STX16: variants seen among roughly 807,000 people sequenced by gnomAD.
The protein encoded by STX16 is syntaxin 16, also known as syntaxin-16.
Under a neutral mutation model 42.7 loss-of-function variants are expected in STX16, and 28 were observed. That is an observed-to-expected ratio of 0.66 (90% CI 0.49 to 0.90). The LOEUF (loss-of-function observed/expected upper bound fraction) is 0.90. Among genes scored for constraint, STX16 ranks in the 40% least tolerant of loss-of-function variants. The probability of loss-of-function intolerance (pLI) is 0.00; values close to 1 mark genes in which losing one functional copy is unlikely to be tolerated. For synonymous variants in STX16, 156 were observed against 155.2 expected (o/e 1.00, Z -0.04); for missense variants, 361 against 420.9 (o/e 0.86, Z 1.24).
chr20:58,666,638 A>G (rs1020377339), intron 2 of STX16, among the ~76,000 whole-genome samples: 11 of 152,100 alleles, frequency 7.2e-5, no homozygotes, highest in Non-Finnish European at 1.5e-5. Flanking sequence ...CATTTTGGCC[A>G]GGCTACTCTC....
Position 58,667,478 on chromosome 20 carries a change from A to G in STX16, c.145-12A>G, listed in dbSNP as rs1439064447. Reference sequence around the variant, plus strand: ...AGAATAATTTTTTTCATGTCCCTTTACTTTCCTGTAGCTTGCTGATGACCG... The same window carrying G: ...AGAATAATTTTTTTCATGTCCCTTTGCTTTCCTGTAGCTTGCTGATGACCG... On this transcript the variant is annotated splice_polypyrimidine_tract_variant and intron_variant, in intron 2 of 8. Transcript: ENST00000371141. 1.9e-6 allele frequency: 3 copies of G among 1,611,926 alleles called. No individual in the cohort carries two copies. Among genetic ancestry groups the G allele is most frequent in the Non-Finnish European group, 8.5e-7 (1 of 1,178,224 alleles).
At chr20:58,661,599 T>C (rs909728983) in intron 2 of STX16, among the ~76,000 whole-genome samples, 11 of 152,266 alleles carry the variant, frequency 7.2e-5, no homozygotes, top group Non-Finnish European at 1.2e-4. Context: ...GAAGTGTGGC[T>C]TCCACAATTG....
intron 7 of STX16, among the ~76,000 whole-genome samples, chr20:58,671,544 T>C (rs181858851): frequency 5.2e-4 from 79 of 151,944 alleles, no homozygotes; most frequent in African/African-American, 1.8e-3. Context: ...AACCTCAGTG[T>C]TTACATTTTT....
chr20:58,669,377 C>A lies in STX16; in HGVS notation c.480C>A (p.Asn160Lys). ...CSEQEGRLLG[N>K]VVASLAQALQ... is the part of the protein sequence containing the mutation. The stretch of plus-strand genomic sequence containing the variant: ...AGCAGGAGGGGCGGCTGCTTGGGAA[C>A]GTGGTGGCCTCGCTGGCGCAGGCCC... The change falls in exon 5 of 9, where the codon AAC becomes AAA. Residue 160 changes from asparagine (N) to lysine (K), a missense_variant. By Grantham distance (94) the Asn-to-Lys change is moderately conservative. Coordinates refer to ENST00000371141, the MANE Select transcript of STX16 (RefSeq NM_001001433.3). 7 of 1,611,738 alleles carry A rather than the reference C, an allele frequency of 4.3e-6. No individual in the cohort carries two copies. Among genetic ancestry groups the A allele is most frequent in the Non-Finnish European group, 5.1e-6 (6 of 1,179,140 alleles).
rs1337005712 is a variant in STX16 at position 58,655,297 on chromosome 20, G to A, written c.132+3159G>A. On this transcript the variant is annotated intron_variant, in intron 1 of 8. Transcript: ENST00000371141. ...TGTGTATCATACACCTCAAAGCAAA[G>A]CACACCTAAAGCCATGCCATTCAAA... Among the ~76,000 whole-genome samples, 5 of 152,118 alleles carry A rather than the reference G, an allele frequency of 3.3e-5. No individual in the cohort carries two copies. In the East Asian group the frequency reaches 9.6e-4, roughly 29 times the overall value.
chr20:58,664,648 G>C (rs1033538470), intron 2 of STX16, among the ~76,000 whole-genome samples: 2 of 152,146 alleles, frequency 1.3e-5, no homozygotes, highest in South Asian at 4.1e-4. Flanking sequence ...ATAAAATCAA[G>C]TACTGCTTCA....
chr20:58,666,619 G>A (rs921436980), intron 2 of STX16, among the ~76,000 whole-genome samples: 1 of 151,922 alleles, frequency 6.6e-6, no homozygotes, highest in African/African-American at 2.4e-5. Flanking sequence ...AGTAGAGAAC[G>A]GTTTTCACCA....
At chr20:58,660,719 T>C (rs1016572158) in intron 2 of STX16, among the ~76,000 whole-genome samples, 4 of 143,910 alleles carry the variant, frequency 2.8e-5, no homozygotes, top group African/African-American at 1.0e-4. Flanking sequence ...GCTCCTTTTT[T>C]TTTTTTTTTT....
intron 1 of STX16, 107 bp downstream of exon 1, chr20:58,652,245 A>G (rs1600979238): frequency 6.8e-7 from 1 of 1,465,008 alleles, no homozygotes. Context: ...GATAAGAATA[A>G]TAAGACTAAG....
intron 8 of STX16, among the ~76,000 whole-genome samples, chr20:58,674,807 C>T (rs961351852): frequency 3.9e-5 from 6 of 152,122 alleles, no homozygotes; most frequent in South Asian, 2.1e-4. Context: ...CTCTGTAATA[C>T]CCAGGTTTTG....
At position 58,677,803 on chromosome 20, in the gene STX16, A is replaced by C. The variant is rs1185049614; in HGVS notation, c.*1512A>C. On this transcript the variant is annotated 3_prime_UTR_variant, in exon 9 of 9. Transcript: ENST00000371141. Reference sequence around the variant, plus strand: ...GAGATTGAAGTTGTCCAAACAGCTCATGGGCTTAGTGTCCAAACCCCTGCC... The same window carrying C: ...GAGATTGAAGTTGTCCAAACAGCTCCTGGGCTTAGTGTCCAAACCCCTGCC... The C allele has an allele frequency of 6.6e-6, 1 of 152,246 alleles. No individual in the cohort carries two copies. Among genetic ancestry groups the C allele is most frequent in the East Asian group, 1.9e-4 (1 of 5,194 alleles). The allele number at this position is 152,246 out of a possible 1,614,324, so 9.4% of individuals were successfully genotyped here.
At chr20:58,659,296 A>G (rs1282441838) in intron 1 of STX16, among the ~76,000 whole-genome samples, 1 of 152,240 alleles carries the variant, frequency 6.6e-6, no homozygotes, top group East Asian at 1.9e-4. Flanking sequence ...GAAACAGATT[A>G]ACAGCATATT....
At chr20:58,671,788 A>G (rs916703107) in intron 7 of STX16, among the ~76,000 whole-genome samples, 1 of 152,192 alleles carries the variant, frequency 6.6e-6, no homozygotes, top group African/African-American at 2.4e-5. Flanking sequence ...AATATGATAT[A>G]TGATAATACA....
chr20:58,669,060 A>G (rs1279481981), intron 4 of STX16, among the ~76,000 whole-genome samples: 1 of 152,244 alleles, frequency 6.6e-6, no homozygotes, highest in Non-Finnish European at 1.5e-5. Flanking sequence ...TAACGTGATG[A>G]TATGTGAGCA....
At position 58,667,584 on chromosome 20, in the gene STX16, A is replaced by C; in HGVS notation, c.239A>C (p.Asp80Ala). The C allele has an allele frequency of 3.1e-6, 5 of 1,613,734 alleles. No homozygotes were observed. The highest frequency in any genetic ancestry group is 4.2e-6 in the Non-Finnish European group (5 of 1,179,668). ...VTKRPPPKWV[D>A]GVDEIQYDVG... ...AAACGGCCACCTCCTAAGTGGGTGG[A>C]TGGAGTGGATGAAGTAAGTTCCATG... is the stretch of plus-strand genomic sequence containing the variant. Residue 80 changes from aspartate to alanine, a missense_variant, in exon 3 of 9, where the codon GAT becomes GCT. By Grantham distance (126) the Asp-to-Ala change is moderately radical. Coordinates refer to ENST00000371141, the MANE Select transcript of STX16 (RefSeq NM_001001433.3).
chr20:58,674,082 GCTTGTTGCCGTTGA>G (rs1244953009), intron 8 of STX16, among the ~76,000 whole-genome samples: 1 of 152,188 alleles, frequency 6.6e-6, no homozygotes. Flanking sequence ...AAATCTGTCT[GCTTGTTGCCGTTGA>G]CTTGGGCCTC....
intron 1 of STX16, chr20:58,652,371 A>ACCCCCCCC (rs11481928): frequency 3.3e-4 from 151 of 462,034 alleles, no homozygotes; most frequent in African/African-American, 1.2e-3. Flanking sequence ...CTTCCGCAGC[A>ACCCCCCCC]CCCCCCCCCC....
In STX16 at chr20:58,676,494, GT is replaced by G. The variant is rs1601063123; in HGVS notation, c.*205del. On this transcript the variant is annotated 3_prime_UTR_variant, in exon 9 of 9. Coordinates refer to ENST00000371141, the MANE Select transcript of STX16 (RefSeq NM_001001433.3). ...AATGGGTTTTTGTTTTTCCTTCATT[GT>G]TGAGAATTTAAGGACCTTTGATACT... The G allele has an allele frequency of 1.8e-6, 1 of 561,186 alleles. No homozygotes were observed. The highest frequency in any genetic ancestry group is 3.0e-5 in the East Asian group (1 of 33,614). 34.8% of individuals were successfully genotyped at this position (561,186 alleles called of 1,614,324 possible).
At chr20:58,665,213 G>A (rs535702609) in intron 2 of STX16, among the ~76,000 whole-genome samples, 18 of 152,322 alleles carry the variant, frequency 1.2e-4, no homozygotes, top group African/African-American at 4.3e-4. Flanking sequence ...AGAGGGTGAG[G>A]TCTGCGCCTC....
Sources: allele counts gnomAD v4.1 joint callset (sites outside exome capture counted in the v4.1 genomes callset), GRCh38; gene constraint gnomAD v4.1.1; transcripts MANE v1.5; gene names NCBI Gene and HGNC (gene_info 2026-07-23, HGNC 2026-07-21).